IQGAP3: variants seen among roughly 807,000 people sequenced by gnomAD.
IQGAP3 encodes IQ motif containing GTPase activating protein 3.
IQGAP3 carries 165 observed loss-of-function variants against 208.2 expected under a neutral mutation model. That is an observed-to-expected ratio of 0.79 (90% CI 0.70 to 0.90). The LOEUF is 0.90. Ranked by LOEUF, IQGAP3 falls within the 40% of genes least tolerant of loss-of-function variation. IQGAP3 has a pLI of 0.00. For synonymous variants in IQGAP3, 703 were observed against 803.6 expected (o/e 0.87, Z 2.12); for missense variants, 1,811 against 2,043.1 (o/e 0.89, Z 2.19).
chr1:156,548,321 C>T, intron 18 of IQGAP3, 27 bp downstream of exon 18: 1 of 1,611,498 alleles, frequency 6.2e-7, no homozygotes, highest in South Asian at 1.1e-5. Flanking sequence ...ATCCAAGATC[C>T]CCTACCCTTG....
intron 36 of IQGAP3, 136 bp from the exon 37 acceptor site, chr1:156,528,196 C>G (rs910851086): frequency 1.5e-6 from 1 of 679,120 alleles, no homozygotes; most frequent in Admixed American, 2.4e-5. Context: ...TCCCAGAGGG[C>G]CCAGCTCGCT....
intron 1 of IQGAP3, among the ~76,000 whole-genome samples, 199 bp from the exon 2 acceptor site, chr1:156,569,662 G>A (rs1204514117): frequency 2.0e-5 from 3 of 150,584 alleles, no homozygotes; most frequent in African/African-American, 7.3e-5. Context: ...GGGACTACAG[G>A]CGCCCGCCAC....
chr1:156,546,743 G>A (rs1675261648), intron 19 of IQGAP3, among the ~76,000 whole-genome samples: 1 of 152,166 alleles, frequency 6.6e-6, no homozygotes, highest in Non-Finnish European at 1.5e-5. Context: ...GAAGTGGTAG[G>A]ACCAGGAGGC....
At chr1:156,537,478 A>C (rs1674746538) in intron 26 of IQGAP3, among the ~76,000 whole-genome samples, 157 bp from the exon 27 acceptor site, 1 of 152,208 alleles carries the variant, frequency 6.6e-6, no homozygotes, top group Non-Finnish European at 1.5e-5. Flanking sequence ...AGAATGAGAG[A>C]AAGGACTGGA....
At chr1:156,550,859 G>C (rs1387868006) in intron 15 of IQGAP3, among the ~76,000 whole-genome samples, 1 of 152,088 alleles carries the variant, frequency 6.6e-6, no homozygotes, top group Non-Finnish European at 1.5e-5. Context: ...GATTACATGA[G>C]CCCACAGGTC....
chr1:156,566,689 T>G, intron 2 of IQGAP3, 143 bp from the exon 3 acceptor site: 1 of 744,350 alleles, frequency 1.3e-6, no homozygotes, highest in Non-Finnish European at 2.2e-6. Flanking sequence ...CCAACTCCCT[T>G]CTCTGCCCAT....
intron 36 of IQGAP3, 92 bp from the exon 37 acceptor site, chr1:156,528,152 C>T (rs991632369): frequency 9.5e-6 from 9 of 950,320 alleles, no homozygotes; most frequent in South Asian, 7.2e-5. Flanking sequence ...TCCTGGGCAG[C>T]GGTGTCATCC....
rs769154518 is a variant in IQGAP3 at position 156,528,621 on chromosome 1, G to A, written c.4572-11C>T. 6.3e-7 allele frequency: 1 copy of A among 1,595,084 alleles called. No homozygotes were observed. The highest frequency in any genetic ancestry group is 8.6e-7 in the Non-Finnish European group (1 of 1,163,926). ...CCCTTCCCAGAACTCCTGATTAAAAGAAGGCCCCAGAGAATTCATCCAATA... is the reference window on the plus strand; with the variant it reads ...CCCTTCCCAGAACTCCTGATTAAAAAAAGGCCCCAGAGAATTCATCCAATA... On this transcript the variant is annotated splice_polypyrimidine_tract_variant and intron_variant, in intron 35 of 37. Transcript: ENST00000361170.
intron 16 of IQGAP3, 40 bp downstream of exon 16, chr1:156,550,221 C>T (rs1165654657): frequency 1.4e-6 from 2 of 1,415,276 alleles, no homozygotes; most frequent in Admixed American, 1.7e-5. Flanking sequence ...CCCACATCAC[C>T]ATCCCTCCCC....
intron 10 of IQGAP3, among the ~76,000 whole-genome samples, chr1:156,561,292 C>G (rs1676140154): frequency 6.6e-6 from 1 of 152,114 alleles, no homozygotes; most frequent in Non-Finnish European, 1.5e-5. Context: ...CGAAGCCTTC[C>G]AAGTAGCTGG....
At chr1:156,554,646 T>A (rs1448216341) in intron 12 of IQGAP3, among the ~76,000 whole-genome samples, 1 of 152,182 alleles carries the variant, frequency 6.6e-6, no homozygotes. Context: ...ACCATTAACA[T>A]CCCCATTTCA....
Position 156,563,306 on chromosome 1 carries a change from G to T in IQGAP3, c.626C>A (p.Ala209Glu), listed in dbSNP as rs763896170. ...TGCTTCATTGATGGCAAGAACAGCTGCATGGACTGGGAGAGGGCATGGAAA... is the reference window on the plus strand; with the variant it reads ...TGCTTCATTGATGGCAAGAACAGCTTCATGGACTGGGAGAGGGCATGGAAA... ...ELSVDEAAVH[A>E]AVLAINEAVE... is the part of the protein sequence containing the mutation. Residue 209 changes from alanine (A) to glutamate (E), a missense_variant, in exon 8 of 38, where the codon GCA becomes GAA. By Grantham distance (107) the Ala-to-Glu change is moderately radical. Coordinates refer to ENST00000361170, the MANE Select transcript of IQGAP3 (RefSeq NM_178229.5). 1 of 1,597,876 alleles carries T rather than the reference G, an allele frequency of 6.3e-7. No individual in the cohort carries two copies. The highest frequency in any genetic ancestry group is 2.2e-5 in the East Asian group (1 of 44,514).
At chr1:156,527,119 CTG>C (rs1557912631) in intron 37 of IQGAP3, among the ~76,000 whole-genome samples, 6 of 151,840 alleles carry the variant, frequency 4.0e-5, no homozygotes, top group Non-Finnish European at 8.8e-5. Context: ...GCGTGAGCCA[CTG>C]CACCCGGCCA....
At position 156,530,331 on chromosome 1, in the gene IQGAP3, G is replaced by C; in HGVS notation, c.4192-14C>G. On this transcript the variant is annotated splice_polypyrimidine_tract_variant and intron_variant, in intron 33 of 37. Coordinates refer to ENST00000361170, the MANE Select transcript of IQGAP3 (RefSeq NM_178229.5). ...GTGGGCTGCTTCCTGGGGACACACA[G>C]ACGCTGGAGGGGTCTACCAGGTCCT... is the stretch of plus-strand genomic sequence containing the variant. 6.2e-7 allele frequency: 1 copy of C among 1,600,280 alleles called. No individual in the cohort carries two copies. The highest frequency in any genetic ancestry group is 8.5e-7 in the Non-Finnish European group (1 of 1,178,040).
chr1:156,563,511 C>T (rs775158048), intron 7 of IQGAP3, 42 bp downstream of exon 7: 108 of 1,518,656 alleles, frequency 7.1e-5, no homozygotes, highest in Non-Finnish European at 8.9e-5. Context: ...CCCTCCCATA[C>T]GCATTGAGCC....
At chr1:156,530,401 A>C in intron 33 of IQGAP3, 84 bp from the exon 34 acceptor site, 2 of 1,197,846 alleles carry the variant, frequency 1.7e-6, no homozygotes, top group Non-Finnish European at 2.4e-6. Flanking sequence ...GGCACCAGCA[A>C]CAAAGGGAGG....
intron 34 of IQGAP3, 115 bp from the exon 35 acceptor site, chr1:156,529,197 A>G: frequency 2.6e-6 from 3 of 1,145,752 alleles, no homozygotes; most frequent in South Asian, 3.0e-5. Flanking sequence ...AACAGGCTTC[A>G]AGGCTGTTTT....
rs143615568 is a variant in IQGAP3 at position 156,569,568 on chromosome 1, G to A, written c.38-105C>T. On this transcript the variant is annotated intron_variant, in intron 1 of 37. Transcript: ENST00000361170. ...TTTTTTTTTTGAGACGCCCAGGCTG[G>A]AGTGCAGTGGCCCAATCTTGGCTCA... 3.2e-3 allele frequency: 1,604 copies of A among 502,688 alleles called. 36 individuals carry two copies. The highest frequency in any genetic ancestry group is 0.032 in the African/African-American group (1,451 of 45,860). The allele number at this position is 502,688 out of a possible 1,614,324, so 31.1% of individuals were successfully genotyped here.
At chr1:156,546,828 T>C (rs572254526) in intron 19 of IQGAP3, among the ~76,000 whole-genome samples, 1 of 152,314 alleles carries the variant, frequency 6.6e-6, no homozygotes, top group Admixed American at 6.5e-5. Context: ...CAAGGGCCAT[T>C]TGCCAGTCCT....
Sources: gnomAD v4.1 joint callset for allele counts (sites outside exome capture counted in the v4.1 genomes callset) on GRCh38, gnomAD v4.1.1 for gene constraint, MANE v1.5 for transcripts, NCBI Gene and HGNC (gene_info 2026-07-23, HGNC 2026-07-21) for gene names.